Variants in OPCML observed in about 807,000 individuals in gnomAD.
The protein encoded by OPCML is opioid binding protein/cell adhesion molecule like, also known as opioid-binding protein/cell adhesion molecule.
In OPCML, 13 loss-of-function variants were observed where a neutral mutation model predicts 37.8. That is an observed-to-expected ratio of 0.34 (90% CI 0.22 to 0.55). OPCML has a LOEUF of 0.55. Ranked by LOEUF, OPCML falls within the 20% of genes least tolerant of loss-of-function variation. The pLI, the probability that OPCML is intolerant of heterozygous loss-of-function variation, is 0.91. For missense variants in OPCML, 341 were observed against 435.6 expected (o/e 0.78, Z 1.93); for synonymous variants, 176 against 168.8 (o/e 1.04, Z -0.33).
Position 133,390,335 on chromosome 11 carries a change from C to T in OPCML, c.61+141929G>A, listed in dbSNP as rs957385141. Among the ~76,000 whole-genome samples, 62 of 151,860 alleles carry T rather than the reference C, an allele frequency of 4.1e-4. 3 individuals carry two copies. The highest frequency in any genetic ancestry group is 7.4e-5 in the Non-Finnish European group (5 of 67,950). ...AAAATTAGCCGGGTGTGGTGGCGGG[C>T]GCCTGTAGTCCCAGCTACTCGGGAG... On this transcript the variant is annotated intron_variant, in intron 1 of 7. Coordinates refer to ENST00000524381, the MANE Select transcript of OPCML (RefSeq NM_001012393.5).
At chr11:133,198,088 T>C (rs1056571204) in intron 1 of OPCML, among the ~76,000 whole-genome samples, 1 of 152,234 alleles carries the variant, frequency 6.6e-6, no homozygotes, top group Non-Finnish European at 1.5e-5. Context: ...TTTTTCAACC[T>C]TCCTAGAATA....
At chr11:132,484,848 C>T (rs946268401) in intron 4 of OPCML, among the ~76,000 whole-genome samples, 1 of 152,152 alleles carries the variant, frequency 6.6e-6, no homozygotes, top group Non-Finnish European at 1.5e-5. Context: ...TATTCTCACT[C>T]ATAGGTGGGA....
chr11:133,483,685 T>TAGAC (rs1426756024), intron 1 of OPCML, among the ~76,000 whole-genome samples: 1 of 132,898 alleles, frequency 7.5e-6, no homozygotes, highest in Non-Finnish European at 1.6e-5. Flanking sequence ...GATAGATAGA[T>TAGAC]AGATAGATAG....
intron 3 of OPCML, among the ~76,000 whole-genome samples, chr11:132,575,095 T>G (rs145796565): frequency 1.2e-4 from 19 of 152,170 alleles, no homozygotes; most frequent in Non-Finnish European, 2.1e-4. Flanking sequence ...TGGTTACCAT[T>G]TGCATGAACT....
intron 3 of OPCML, among the ~76,000 whole-genome samples, chr11:132,654,885 A>G (rs1446713463): frequency 6.7e-6 from 1 of 149,332 alleles, no homozygotes; most frequent in East Asian, 2.0e-4. Flanking sequence ...GCCACCTCAG[A>G]GGGCTGGAGC....
chr11:133,057,684 C>G (rs1948265747), intron 1 of OPCML, among the ~76,000 whole-genome samples: 1 of 152,220 alleles, frequency 6.6e-6, no homozygotes, highest in South Asian at 2.1e-4. Flanking sequence ...CCCACTGTTG[C>G]TAGTCACCAT....
At chr11:133,055,795 G>A (rs1948225685) in intron 1 of OPCML, among the ~76,000 whole-genome samples, 1 of 150,986 alleles carries the variant, frequency 6.6e-6, no homozygotes, top group African/African-American at 2.4e-5. Flanking sequence ...ACTGTACAAT[G>A]CTGCCTCCAT....
intron 1 of OPCML, among the ~76,000 whole-genome samples, chr11:133,094,884 G>A (rs918686743): frequency 6.6e-6 from 1 of 152,030 alleles, no homozygotes; most frequent in Non-Finnish European, 1.5e-5. Flanking sequence ...ATAGTACTGG[G>A]ATATAATATT....
At position 132,522,594 on chromosome 11, in the gene OPCML, C is replaced by T. The variant is rs964671790; in HGVS notation, c.505+6467G>A. 3.9e-5 allele frequency among the ~76,000 whole-genome samples: 6 copies of T among 152,208 alleles called. 1 individual carries two copies. The highest frequency in any genetic ancestry group is 8.8e-5 in the Non-Finnish European group (6 of 68,030). On this transcript the variant is annotated intron_variant, in intron 4 of 7. Coordinates refer to ENST00000524381, the MANE Select transcript of OPCML (RefSeq NM_001012393.5). ...AGTTAGGATTCAACACTATTACCTG[C>T]TTTCCATTCATTCTCTCTTTTGATT...
At chr11:132,801,660 G>T (rs1938653823) in intron 2 of OPCML, among the ~76,000 whole-genome samples, 1 of 152,186 alleles carries the variant, frequency 6.6e-6, no homozygotes, top group Non-Finnish European at 1.5e-5. Context: ...AGAAGAAACT[G>T]AGATGGGTAT....
chr11:133,347,210 G>A (rs989150157), intron 1 of OPCML, among the ~76,000 whole-genome samples: 7 of 152,146 alleles, frequency 4.6e-5, no homozygotes, highest in African/African-American at 1.4e-4. Context: ...TGTAAAGCAC[G>A]TGTGGCCTGA....
At chr11:133,228,849 T>C (rs1218100635) in intron 1 of OPCML, among the ~76,000 whole-genome samples, 1 of 152,242 alleles carries the variant, frequency 6.6e-6, no homozygotes, top group Non-Finnish European at 1.5e-5. Context: ...GAGGAGCAGG[T>C]CCAGGAAAAG....
At chr11:133,313,529 G>A (rs1404859050) in intron 1 of OPCML, among the ~76,000 whole-genome samples, 4 of 152,102 alleles carry the variant, frequency 2.6e-5, no homozygotes, top group African/African-American at 9.7e-5. Context: ...ACTATTCCAC[G>A]AGTCCCATTT....
At chr11:132,471,539 C>G (rs2096137994) in intron 4 of OPCML, among the ~76,000 whole-genome samples, 1 of 152,158 alleles carries the variant, frequency 6.6e-6, no homozygotes, top group Admixed American at 6.5e-5. Context: ...GCTGGAGGAC[C>G]TGATTCAAGT....
At chr11:133,457,832 A>T (rs1946705046) in intron 1 of OPCML, among the ~76,000 whole-genome samples, 1 of 152,082 alleles carries the variant, frequency 6.6e-6, no homozygotes, top group Admixed American at 6.6e-5. Flanking sequence ...GAAAGAAACA[A>T]CACTCAAAAC....
chr11:133,506,722 C>T (rs1055447367), intron 1 of OPCML, among the ~76,000 whole-genome samples: 12 of 152,178 alleles, frequency 7.9e-5, no homozygotes, highest in Non-Finnish European at 4.4e-5. Context: ...TGGTATTGTC[C>T]TAGCCACATA....
chr11:133,428,927 C>T (rs547947301), intron 1 of OPCML, among the ~76,000 whole-genome samples: 1 of 152,262 alleles, frequency 6.6e-6, no homozygotes, highest in South Asian at 2.1e-4. Context: ...CTACACCAGA[C>T]ATGAAATATG....
intron 3 of OPCML, among the ~76,000 whole-genome samples, chr11:132,557,402 G>A (rs1343271694): frequency 1.3e-5 from 2 of 152,164 alleles, no homozygotes; most frequent in African/African-American, 4.8e-5. Flanking sequence ...TTTCTTCCTT[G>A]ATTAACCCTG....
At position 132,654,269 on chromosome 11, in the gene OPCML, C is replaced by T. The variant is rs77346192; in HGVS notation, c.379+2818G>A. Among the ~76,000 whole-genome samples the T allele has an allele frequency of 9.3e-3, 1,412 of 152,280 alleles. 20 individuals carry two copies. Among genetic ancestry groups the T allele is most frequent in the African/African-American group, 0.031 (1,287 of 41,534 alleles). On this transcript the variant is annotated intron_variant, in intron 3 of 7. Coordinates refer to ENST00000524381, the MANE Select transcript of OPCML (RefSeq NM_001012393.5). ...AGCTTTCTGATCTCCTTCTCTGTGG[C>T]CTCTCAGTAAAGGTACAAACCAGCC...
Sources: gnomAD v4.1 joint callset for allele counts (sites outside exome capture counted in the v4.1 genomes callset) on GRCh38, gnomAD v4.1.1 for gene constraint, MANE v1.5 for transcripts, NCBI Gene and HGNC (gene_info 2026-07-23, HGNC 2026-07-21) for gene names.